Variants in DNAJC1 observed in about 807,000 individuals in gnomAD.
The protein encoded by DNAJC1 is DnaJ heat shock protein family (Hsp40) member C1, also known as dnaJ homolog subfamily C member 1.
A neutral mutation model predicts 76.6 loss-of-function variants in DNAJC1; 58 were observed. The ratio of observed to expected loss-of-function variants is 0.76; its 90% CI spans 0.61 to 0.94. DNAJC1 has a LOEUF of 0.94. DNAJC1 is among the 40% of genes least tolerant of loss of function. DNAJC1 has a pLI of 0.00. For synonymous variants in DNAJC1, 258 were observed against 267.9 expected (o/e 0.96, Z 0.36); for missense variants, 689 against 677.3 (o/e 1.02, Z -0.19).
chr10:21,915,692 A>G (rs945830800), intron 6 of DNAJC1, among the ~76,000 whole-genome samples: 1 of 152,206 alleles, frequency 6.6e-6, no homozygotes, highest in South Asian at 2.1e-4. Flanking sequence ...TTCTAATTAC[A>G]TGATTCAATT....
intron 8 of DNAJC1, among the ~76,000 whole-genome samples, chr10:21,830,663 A>G (rs1434427504): frequency 6.6e-6 from 1 of 152,224 alleles, no homozygotes; most frequent in Non-Finnish European, 1.5e-5. Flanking sequence ...TTAAAAAATT[A>G]TAATACTGCA....
intron 8 of DNAJC1, among the ~76,000 whole-genome samples, chr10:21,834,196 G>A (rs1286049354): frequency 6.6e-6 from 1 of 152,110 alleles, no homozygotes; most frequent in Non-Finnish European, 1.5e-5. Flanking sequence ...CCTGGGAGGT[G>A]GAGCTTGCAG....
At chr10:21,858,057 T>C (rs1426452206) in intron 8 of DNAJC1, among the ~76,000 whole-genome samples, 1 of 152,204 alleles carries the variant, frequency 6.6e-6, no homozygotes, top group Non-Finnish European at 1.5e-5. Flanking sequence ...GTATTTGAGA[T>C]TATCCTAAAT....
At chr10:21,780,424 C>G (rs1428047804) in intron 9 of DNAJC1, among the ~76,000 whole-genome samples, 5 of 152,204 alleles carry the variant, frequency 3.3e-5, no homozygotes, top group East Asian at 1.9e-4. Context: ...AGCCAGAAGA[C>G]AGTGGGGGCC....
chr10:21,897,891 G>A (rs923302361), intron 7 of DNAJC1, among the ~76,000 whole-genome samples: 1 of 152,160 alleles, frequency 6.6e-6, no homozygotes, highest in Non-Finnish European at 1.5e-5. Context: ...GGCAGGAAAA[G>A]GAAATAAAAT....
intron 3 of DNAJC1, among the ~76,000 whole-genome samples, chr10:21,923,005 A>G (rs1837062799): frequency 3.3e-5 from 5 of 151,988 alleles, no homozygotes; most frequent in Admixed American, 3.3e-4. Context: ...TCTCTTATCA[A>G]ATATTTTATC....
chr10:22,000,637 T>C (rs576872222), intron 1 of DNAJC1, among the ~76,000 whole-genome samples: 3 of 152,352 alleles, frequency 2.0e-5, no homozygotes, highest in East Asian at 1.9e-4. Context: ...CCTTCGAAAT[T>C]CTTATGTTGA....
chr10:21,850,400 TTAAC>T (rs1158379378), intron 8 of DNAJC1, among the ~76,000 whole-genome samples: 1 of 151,952 alleles, frequency 6.6e-6, no homozygotes, highest in East Asian at 1.9e-4. Flanking sequence ...AGGAATAAAT[TTAAC>T]TAAGGAGGTG....
chr10:21,758,281 G>A (rs539076399), intron 11 of DNAJC1, among the ~76,000 whole-genome samples: 16 of 152,218 alleles, frequency 1.1e-4, no homozygotes, highest in Non-Finnish European at 1.5e-4. Flanking sequence ...CAGCGGAAGA[G>A]ATCGGGGCTT....
At chr10:21,811,396 C>T (rs1834963496) in intron 8 of DNAJC1, among the ~76,000 whole-genome samples, 1 of 152,094 alleles carries the variant, frequency 6.6e-6, no homozygotes, top group South Asian at 2.1e-4. Flanking sequence ...GAATGGGGCC[C>T]CTTTTAAGCA....
intron 9 of DNAJC1, among the ~76,000 whole-genome samples, chr10:21,786,431 T>C (rs1158894345): frequency 7.2e-5 from 1 of 13,922 alleles, no homozygotes; most frequent in African/African-American, 2.9e-4. Context: ...AATGGGAATA[T>C]ATATATATAT....
Position 21,908,100 on chromosome 10 carries a change from A to G in DNAJC1, c.730-3488T>C, listed in dbSNP as rs1455246096. Among the ~76,000 whole-genome samples the G allele has an allele frequency of 6.2e-5, 7 of 112,508 alleles. No individual in the cohort carries two copies. The East Asian group carries it at 1.3e-3, about 21-fold the overall frequency. 73.8% of individuals were successfully genotyped at this position (112,508 alleles called of 152,430 possible). ...AATATATATTATATATAAAATATAT[A>G]TAATATATAAAATATATATATAATA... On this transcript the variant is annotated intron_variant, in intron 6 of 11. Transcript: ENST00000376980.
At chr10:21,939,728 G>A (rs541476848) in intron 1 of DNAJC1, among the ~76,000 whole-genome samples, 31 of 152,018 alleles carry the variant, frequency 2.0e-4, no homozygotes, top group Non-Finnish European at 4.0e-4. Flanking sequence ...ATTGCCTAAC[G>A]ATGCATTTCT....
chr10:21,956,067 G>C lies in DNAJC1; in HGVS notation c.223-26926C>G, dbSNP rs971696181. On this transcript the variant is annotated intron_variant, in intron 1 of 11. Coordinates refer to ENST00000376980, the MANE Select transcript of DNAJC1 (RefSeq NM_022365.4). ...GAGACTGCGTAATTTATAAAGAACAGAGATTTATTTCTTACAGCTCTGGAG... is the reference window on the plus strand; with the variant it reads ...GAGACTGCGTAATTTATAAAGAACACAGATTTATTTCTTACAGCTCTGGAG... 7.2e-5 allele frequency among the ~76,000 whole-genome samples: 11 copies of C among 152,334 alleles called. No homozygotes were observed. The South Asian group carries it at 1.4e-3, about 20-fold the overall frequency.
intron 1 of DNAJC1, among the ~76,000 whole-genome samples, chr10:21,958,721 T>C (rs1478788724): frequency 1.3e-5 from 2 of 152,010 alleles, no homozygotes; most frequent in African/African-American, 4.8e-5. Context: ...CCACCGCGCC[T>C]GGCCCAGATT....
chr10:21,858,596 T>A (rs1442865638), intron 8 of DNAJC1, among the ~76,000 whole-genome samples: 2 of 152,190 alleles, frequency 1.3e-5, no homozygotes, highest in Non-Finnish European at 2.9e-5. Context: ...ACTAACCAGG[T>A]CCAGCTAGTT....
intron 8 of DNAJC1, among the ~76,000 whole-genome samples, chr10:21,851,421 T>C (rs1412226268): frequency 2.0e-5 from 3 of 152,102 alleles, no homozygotes; most frequent in Non-Finnish European, 4.4e-5. Flanking sequence ...AGTGAGATAG[T>C]GAGATATCAC....
At chr10:21,805,167 C>G (rs1232836527) in intron 9 of DNAJC1, among the ~76,000 whole-genome samples, 8 of 151,874 alleles carry the variant, frequency 5.3e-5, no homozygotes, top group African/African-American at 1.9e-4. Flanking sequence ...TTTCAGTAAC[C>G]CTCTAAGTAT....
At chr10:21,775,331 C>CTTTTTT (rs34444920) in intron 9 of DNAJC1, among the ~76,000 whole-genome samples, 1 of 49,666 alleles carries the variant, frequency 2.0e-5, no homozygotes, top group Non-Finnish European at 3.8e-5. Flanking sequence ...CTGCAAATGG[C>CTTTTTT]TTTTTTTTTT....
Sources: allele counts gnomAD v4.1 joint callset (sites outside exome capture counted in the v4.1 genomes callset), GRCh38; gene constraint gnomAD v4.1.1; transcripts MANE v1.5; gene names NCBI Gene and HGNC (gene_info 2026-07-23, HGNC 2026-07-21).